The following GRM8 variants were observed in gnomAD, a reference collection of about 807,000 sequenced individuals.
The protein encoded by GRM8 is glutamate metabotropic receptor 8, also known as metabotropic glutamate receptor 8.
A neutral mutation model predicts 87.2 loss-of-function variants in GRM8; 47 were observed. The observed-to-expected ratio is 0.54, with a 90% confidence interval of 0.43 to 0.69. The LOEUF is 0.69. Ranked by LOEUF, GRM8 falls within the 30% of genes least tolerant of loss-of-function variation. The pLI, the probability that GRM8 is intolerant of heterozygous loss-of-function variation, is 0.00. For synonymous variants in GRM8, 396 were observed against 404.5 expected, an observed-to-expected ratio of 0.98 and a Z score of 0.25; for missense variants, 1,019 against 1,139.2, an observed-to-expected ratio of 0.89 and a Z score of 1.52.
intron 6 of GRM8, among the ~76,000 whole-genome samples, chr7:126,816,682 T>C (rs1354234119): frequency 1.3e-5 from 2 of 151,798 alleles, no homozygotes; most frequent in Non-Finnish European, 2.9e-5. Context: ...TCAGATGGGA[T>C]GGTAACTGTG....
intron 6 of GRM8, among the ~76,000 whole-genome samples, chr7:126,801,589 C>A (rs974054611): frequency 2.7e-5 from 2 of 73,022 alleles, no homozygotes; most frequent in African/African-American, 6.5e-5. Context: ...TAAATATTTT[C>A]TTTTCTGTAT....
intron 7 of GRM8, among the ~76,000 whole-genome samples, chr7:126,681,589 T>G (rs777478326): frequency 1.3e-5 from 2 of 152,252 alleles, no homozygotes; most frequent in Non-Finnish European, 2.9e-5. Flanking sequence ...ACTTGGAGAT[T>G]TGAGGGTTCT....
chr7:126,605,213 T>C (rs78537888), intron 8 of GRM8, among the ~76,000 whole-genome samples: 6 of 152,286 alleles, frequency 3.9e-5, no homozygotes, highest in East Asian at 3.9e-4. Context: ...GGTTACAATA[T>C]GTTTTGTAAT....
intron 7 of GRM8, among the ~76,000 whole-genome samples, chr7:126,633,469 C>T (rs1278254890): frequency 6.6e-6 from 1 of 152,092 alleles, no homozygotes; most frequent in Non-Finnish European, 1.5e-5. Context: ...ATGTTATTCG[C>T]TCTTGGTCTG....
intron 3 of GRM8, among the ~76,000 whole-genome samples, chr7:126,915,779 G>C (rs1389837712): frequency 6.6e-6 from 1 of 152,160 alleles, no homozygotes; most frequent in Non-Finnish European, 1.5e-5. Flanking sequence ...AGAGCTGAGA[G>C]AGAAAACCCA....
At position 126,739,669 on chromosome 7, in the gene GRM8, T is replaced by C. The variant is rs149560410; in HGVS notation, c.1357+30196A>G. ...TGGTGATCCTCCCACAACCCCTTTGTATAATTATTTTCAGTTATTACTAAT... is the reference window on the plus strand; with the variant it reads ...TGGTGATCCTCCCACAACCCCTTTGCATAATTATTTTCAGTTATTACTAAT... On this transcript the variant is annotated intron_variant, in intron 7 of 10. Coordinates refer to ENST00000339582, the MANE Select transcript of GRM8 (RefSeq NM_000845.3). 1.2e-3 allele frequency among the ~76,000 whole-genome samples: 176 copies of C among 152,230 alleles called. 1 individual carries two copies. The highest frequency in any genetic ancestry group is 4.0e-3 in the African/African-American group (167 of 41,570).
At chr7:126,950,658 A>G (rs1200598435) in intron 3 of GRM8, among the ~76,000 whole-genome samples, 1 of 152,146 alleles carries the variant, frequency 6.6e-6, no homozygotes, top group Non-Finnish European at 1.5e-5. Context: ...AGCCAGTTTT[A>G]GCTTCCATGT....
At chr7:126,952,420 T>C (rs915901004) in intron 3 of GRM8, among the ~76,000 whole-genome samples, 3 of 152,040 alleles carry the variant, frequency 2.0e-5, no homozygotes, top group East Asian at 3.9e-4. Context: ...ATAATAACAA[T>C]TGTAACTAGA....
At chr7:126,671,186 T>C (rs1427529510) in intron 7 of GRM8, among the ~76,000 whole-genome samples, 1 of 152,292 alleles carries the variant, frequency 6.6e-6, no homozygotes, top group Middle Eastern at 3.4e-3. Flanking sequence ...CAGTAAAGAA[T>C]GTCACTTTCT....
intron 7 of GRM8, among the ~76,000 whole-genome samples, chr7:126,697,711 T>A (rs1408238000): frequency 6.6e-6 from 1 of 152,146 alleles, no homozygotes; most frequent in Non-Finnish European, 1.5e-5. Context: ...CTGCCTGTAA[T>A]CCCTTCTCTT....
chr7:127,158,737 G>T (rs1313409660), intron 2 of GRM8, among the ~76,000 whole-genome samples: 1 of 151,994 alleles, frequency 6.6e-6, no homozygotes, highest in Admixed American at 6.6e-5. Flanking sequence ...TATTTCATCA[G>T]GTATTAGGTT....
chr7:126,475,436 C>A (rs1805786115), intron 9 of GRM8, among the ~76,000 whole-genome samples: 1 of 151,470 alleles, frequency 6.6e-6, no homozygotes. Flanking sequence ...GTACTGACAA[C>A]CATAAGACAT....
intron 8 of GRM8, among the ~76,000 whole-genome samples, chr7:126,570,846 C>G (rs931654931): frequency 1.2e-4 from 19 of 152,272 alleles, no homozygotes; most frequent in South Asian, 4.1e-4. Context: ...TTCATAAATA[C>G]CCCAAAAAGT....
At chr7:127,085,247 A>G (rs1477851613) in intron 3 of GRM8, among the ~76,000 whole-genome samples, 1 of 152,176 alleles carries the variant, frequency 6.6e-6, no homozygotes, top group Non-Finnish European at 1.5e-5. Context: ...AGTCTTCGCT[A>G]TTGGGAATAG....
At chr7:126,667,155 C>T (rs1310042657) in intron 7 of GRM8, among the ~76,000 whole-genome samples, 1 of 152,110 alleles carries the variant, frequency 6.6e-6, no homozygotes, top group Admixed American at 6.5e-5. Context: ...TCAATTTTTG[C>T]AATAACCAGA....
At chr7:126,880,907 A>G (rs1799962998) in intron 6 of GRM8, among the ~76,000 whole-genome samples, 1 of 152,206 alleles carries the variant, frequency 6.6e-6, no homozygotes, top group African/African-American at 2.4e-5. Context: ...TGCCTGGTCT[A>G]TAAGACTCTT....
chr7:127,053,763 G>T (rs1419311877), intron 3 of GRM8, among the ~76,000 whole-genome samples: 2 of 124,444 alleles, frequency 1.6e-5, no homozygotes, highest in East Asian at 5.4e-4. Context: ...ACTCTAACCT[G>T]AGTGACAGAG....
chr7:126,640,353 C>T (rs1802251031), intron 7 of GRM8, among the ~76,000 whole-genome samples: 1 of 151,916 alleles, frequency 6.6e-6, no homozygotes, highest in South Asian at 2.1e-4. Flanking sequence ...TGAGAATAAA[C>T]TAGAATAACT....
chr7:127,013,194 G>C (rs1815067857), intron 3 of GRM8, among the ~76,000 whole-genome samples: 1 of 152,184 alleles, frequency 6.6e-6, no homozygotes, highest in Non-Finnish European at 1.5e-5. Context: ...GGATGGGTGG[G>C]AGGACTCACA....
Sources: allele counts gnomAD v4.1 joint callset (sites outside exome capture counted in the v4.1 genomes callset), GRCh38; gene constraint gnomAD v4.1.1; transcripts MANE v1.5; gene names NCBI Gene and HGNC (gene_info 2026-07-23, HGNC 2026-07-21).